PHKA1: variants seen among roughly 807,000 people sequenced by gnomAD.
PHKA1 encodes phosphorylase b kinase regulatory subunit alpha, skeletal muscle isoform.
In PHKA1, 60 loss-of-function variants were observed where a neutral mutation model predicts 110.2. That is an observed-to-expected ratio of 0.54 (90% confidence interval 0.44 to 0.68). The LOEUF (loss-of-function observed/expected upper bound fraction) is 0.68, where lower values mean the gene tolerates loss of function less well. PHKA1 is among the 30% of genes least tolerant of loss of function. The pLI is 0.00. For synonymous variants in PHKA1, 316 were observed against 333.6 expected (o/e 0.95, Z 0.58); for missense variants, 801 against 942.5 (o/e 0.85, Z 1.97).
At chrX:72,658,692 C>T (rs2053526180) in intron 8 of PHKA1, among the ~76,000 whole-genome samples, 1 of 111,015 alleles carries the variant, frequency 9.0e-6, no homozygotes, top group Non-Finnish European at 1.9e-5. Flanking sequence ...TTGTAGAATG[C>T]CCCTCGATTT....
Position 72,640,265 on chromosome X carries a change from A to G in PHKA1, c.1460-3879T>C, listed in dbSNP as rs1029941038. On this transcript the variant is annotated intron_variant, in intron 14 of 31. Transcript: ENST00000373542. Reference sequence around the variant, plus strand: ...AGCAAAATATTTCAATAACATGTGGAAGAGAAAGTGTCAGTATCCCTAATA... The same window carrying G: ...AGCAAAATATTTCAATAACATGTGGGAGAGAAAGTGTCAGTATCCCTAATA... Among the ~76,000 whole-genome samples the G allele has an allele frequency of 2.7e-5, 3 of 111,968 alleles. No homozygotes were observed. In the Admixed American group the frequency reaches 2.8e-4, roughly 11 times the overall value.
intron 4 of PHKA1, among the ~76,000 whole-genome samples, chrX:72,694,456 TCA>T (rs1304213227): frequency 7.1e-5 from 8 of 112,153 alleles, no homozygotes; most frequent in African/African-American, 2.6e-4. Flanking sequence ...CCTTCTAGTT[TCA>T]CAGTTTGTCA....
intron 28 of PHKA1, among the ~76,000 whole-genome samples, chrX:72,593,726 G>A (rs1214353421): frequency 8.9e-6 from 1 of 112,759 alleles, no homozygotes; most frequent in Non-Finnish European, 1.9e-5. Flanking sequence ...AGACAAAGAG[G>A]TTATAGTGAA....
At chrX:72,639,145 T>C (rs1374158876) in intron 14 of PHKA1, among the ~76,000 whole-genome samples, 5 of 112,386 alleles carry the variant, frequency 4.4e-5, no homozygotes, top group East Asian at 5.5e-4. Flanking sequence ...TTATACACAT[T>C]ATAGTACTTC....
chrX:72,611,881 T>C (rs1243393211), intron 21 of PHKA1, among the ~76,000 whole-genome samples: 3 of 111,969 alleles, frequency 2.7e-5, no homozygotes, highest in Admixed American at 1.9e-4. Context: ...TATTTGGAAA[T>C]ATATATCAGT....
chrX:72,659,694 T>C (rs1339755770), intron 8 of PHKA1, among the ~76,000 whole-genome samples: 1 of 112,334 alleles, frequency 8.9e-6, no homozygotes, highest in Non-Finnish European at 1.9e-5. Flanking sequence ...TCAACCTTAC[T>C]GTACAGATAA....
Position 72,714,283 on chromosome X carries a change from T to A in PHKA1, c.-403A>T, listed in dbSNP as rs2147856683. 1 of 134,430 alleles carries A rather than the reference T, an allele frequency of 7.4e-6. No individual in the cohort carries two copies. Among genetic ancestry groups the A allele is most frequent in the African/African-American group, 3.2e-5 (1 of 31,596 alleles). The allele number at this position is 134,430 out of a possible 1,213,427, so 11.1% of individuals were successfully genotyped here. ...CAACGACCGCTGCGCCGCCTCCACC[T>A]TGCGGGAGACGCGAGCGGGAGGCGG... On this transcript the variant is annotated 5_prime_UTR_variant, in exon 1 of 32. The change creates a new upstream start codon in the 5' untranslated region. Transcript: ENST00000373542.
intron 5 of PHKA1, among the ~76,000 whole-genome samples, chrX:72,682,305 T>C (rs1386393202): frequency 2.8e-5 from 2 of 70,657 alleles, no homozygotes; most frequent in African/African-American, 1.1e-4. Flanking sequence ...TCAGCCCCCC[T>C]GCCCAGCCAG....
chrX:72,706,608 C>T (rs959058686), intron 2 of PHKA1, among the ~76,000 whole-genome samples: 5 of 111,213 alleles, frequency 4.5e-5, no homozygotes, highest in Non-Finnish European at 9.4e-5. Context: ...ATAGTCTTGT[C>T]TTTATATCAA....
intron 28 of PHKA1, among the ~76,000 whole-genome samples, chrX:72,593,753 G>T (rs1556229992): frequency 8.9e-6 from 1 of 112,761 alleles, no homozygotes. Context: ...AGACTTATAT[G>T]TAGCTAGCAG....
intron 14 of PHKA1, among the ~76,000 whole-genome samples, chrX:72,638,413 G>T (rs4825958): frequency 0.072 from 7,739 of 107,145 alleles, 854 homozygotes; most frequent in East Asian, 0.67. Context: ...TAGAAGTCTG[G>T]GTGTCTGTTT....
At chrX:72,612,736 C>T (rs972938341) in intron 21 of PHKA1, among the ~76,000 whole-genome samples, 1 of 112,123 alleles carries the variant, frequency 8.9e-6, no homozygotes, top group Non-Finnish European at 1.9e-5. Context: ...ATCCAACCTA[C>T]TCTTCTTACA....
At chrX:72,713,670 TCACACACACACACACACA>T (rs58583639) in intron 1 of PHKA1, 115 bp downstream of exon 1, 5 of 479,152 alleles carry the variant, frequency 1.0e-5, no homozygotes, top group African/African-American at 2.6e-5. Context: ...AAGGTCTCCG[TCACACACACACACACACA>T]CACACACACA....
At chrX:72,644,658 T>C (rs903957174) in intron 13 of PHKA1, among the ~76,000 whole-genome samples, 162 bp from the exon 14 acceptor site, 1 of 112,210 alleles carries the variant, frequency 8.9e-6, no homozygotes, top group Non-Finnish European at 1.9e-5. Context: ...TGCTAAATAA[T>C]ATTATCTAAA....
chrX:72,631,010 T>TG (rs1215496761), intron 16 of PHKA1, among the ~76,000 whole-genome samples: 1 of 99,427 alleles, frequency 1.0e-5, no homozygotes, highest in Non-Finnish European at 2.0e-5. Flanking sequence ...TTTTTTTTTT[T>TG]TTTTTTTTTT....
intron 4 of PHKA1, among the ~76,000 whole-genome samples, chrX:72,695,284 T>C (rs2068554): frequency 8.9e-6 from 1 of 112,057 alleles, no homozygotes; most frequent in Non-Finnish European, 1.9e-5. Flanking sequence ...AAGTTGTTTC[T>C]TACATTTCCC....
chrX:72,714,058 G>C lies in PHKA1; in HGVS notation c.-178C>G. 2.1e-6 allele frequency: 1 copy of C among 478,848 alleles called. No individual in the cohort carries two copies. The highest frequency in any genetic ancestry group is 3.7e-6 in the Non-Finnish European group (1 of 273,184). 39.5% of individuals were successfully genotyped at this position (478,848 alleles called of 1,213,427 possible). ...GCCGCGGATTCCGCGTACCTCTCCGGACTCCGGCGGCCTCAGGGGCCCACC... is the reference window on the plus strand; with the variant it reads ...GCCGCGGATTCCGCGTACCTCTCCGCACTCCGGCGGCCTCAGGGGCCCACC... On this transcript the variant is annotated 5_prime_UTR_variant, in exon 1 of 32. Transcript: ENST00000373542.
chrX:72,705,135 A>G (rs140900397), intron 3 of PHKA1, 63 bp downstream of exon 3: 8 of 837,600 alleles, frequency 9.6e-6, no homozygotes, highest in Non-Finnish European at 1.4e-5. Flanking sequence ...AACATTCCCT[A>G]AAGGGTAGAG....
chrX:72,619,101 C>T, intron 20 of PHKA1, 113 bp downstream of exon 20: 1 of 567,752 alleles, frequency 1.8e-6, no homozygotes, highest in Non-Finnish European at 3.1e-6. Context: ...ACCAGAATAG[C>T]ATTTTGCGTA....
Sources: gnomAD v4.1 joint callset for allele counts (sites outside exome capture counted in the v4.1 genomes callset) on GRCh38, gnomAD v4.1.1 for gene constraint, MANE v1.5 for transcripts, NCBI Gene and HGNC (gene_info 2026-07-23, HGNC 2026-07-21) for gene names.